Variants in PTPN4 observed in about 807,000 individuals in gnomAD.
PTPN4 encodes the protein protein tyrosine phosphatase non-receptor type 4.
Under a neutral mutation model 135.5 loss-of-function variants are expected in PTPN4, and 49 were observed. That is an observed-to-expected ratio of 0.36 (90% CI 0.29 to 0.46). The LOEUF (loss-of-function observed/expected upper bound fraction) is 0.46, where lower values mean the gene tolerates loss of function less well. PTPN4 is among the 20% of genes least tolerant of loss of function. PTPN4 has a pLI of 1.00. For missense variants in PTPN4, 860 were observed against 1,101.0 expected (o/e 0.78, Z 3.10); for synonymous variants, 333 against 369.9 (o/e 0.90, Z 1.14).
At chr2:119,872,260 C>T (rs1677923981) in intron 3 of PTPN4, among the ~76,000 whole-genome samples, 1 of 152,028 alleles carries the variant, frequency 6.6e-6, no homozygotes, top group Admixed American at 6.6e-5. Context: ...TCCAGAATTA[C>T]TTTATTTGGG....
chr2:119,787,636 T>C (rs1444158489), intron 1 of PTPN4, among the ~76,000 whole-genome samples: 1 of 152,198 alleles, frequency 6.6e-6, no homozygotes, highest in Non-Finnish European at 1.5e-5. Context: ...ATTAAATAAA[T>C]AAATGAATCT....
chr2:119,960,530 C>T (rs746376131), intron 22 of PTPN4, among the ~76,000 whole-genome samples: 8 of 152,198 alleles, frequency 5.3e-5, no homozygotes, highest in Non-Finnish European at 8.8e-5. Context: ...AATCTCAGCA[C>T]TTTGGGAGGC....
At chr2:119,958,323 C>A (rs1679317964) in intron 22 of PTPN4, among the ~76,000 whole-genome samples, 1 of 111,502 alleles carries the variant, frequency 9.0e-6, no homozygotes, top group African/African-American at 3.0e-5. Flanking sequence ...AGAACAAGAC[C>A]CGTCTAAAAA....
rs2105039450 is a variant in PTPN4, at chr2:119,934,740, A to G, written c.1197-60A>G. ...CTTTCTGATGTAACCATATATTAAG[A>G]AACTTGGAAATTTTGAATTGAAGCA... On this transcript the variant is annotated intron_variant, in intron 14 of 26. Coordinates refer to ENST00000263708, the MANE Select transcript of PTPN4 (RefSeq NM_002830.4). The G allele has an allele frequency of 1.9e-6, 3 of 1,538,572 alleles. No homozygotes were observed. The South Asian group carries it at 3.4e-5, about 18-fold the overall frequency.
intron 11 of PTPN4, among the ~76,000 whole-genome samples, chr2:119,917,375 G>A (rs1004960564): frequency 6.6e-5 from 10 of 152,156 alleles, no homozygotes; most frequent in African/African-American, 1.9e-4. Flanking sequence ...GGTGAGATAT[G>A]CCTTCCTCAG....
intron 1 of PTPN4, among the ~76,000 whole-genome samples, chr2:119,781,291 G>C (rs1290029025): frequency 6.6e-6 from 1 of 152,114 alleles, no homozygotes; most frequent in Non-Finnish European, 1.5e-5. Flanking sequence ...CAGTGTTATT[G>C]GAGTATTTTG....
At chr2:119,906,391 A>G (rs1371284391) in intron 10 of PTPN4, among the ~76,000 whole-genome samples, 1 of 152,178 alleles carries the variant, frequency 6.6e-6, no homozygotes, top group Non-Finnish European at 1.5e-5. Flanking sequence ...ATAGATGCAA[A>G]ATTCCTCAAC....
At chr2:119,765,156 G>A (rs1040926552) in intron 1 of PTPN4, among the ~76,000 whole-genome samples, 21 of 152,186 alleles carry the variant, frequency 1.4e-4, no homozygotes, top group Admixed American at 5.2e-4. Flanking sequence ...GGCATCTAGC[G>A]CTGTGCTTTA....
intron 13 of PTPN4, among the ~76,000 whole-genome samples, chr2:119,928,129 A>G (rs1045892238): frequency 6.6e-6 from 1 of 152,082 alleles, no homozygotes; most frequent in Non-Finnish European, 1.5e-5. Flanking sequence ...GTTTTAAACT[A>G]TTTGTTGTTT....
intron 1 of PTPN4, among the ~76,000 whole-genome samples, chr2:119,776,280 A>C (rs1432276129): frequency 6.6e-6 from 1 of 152,108 alleles, no homozygotes; most frequent in Non-Finnish European, 1.5e-5. Flanking sequence ...GGTTCACGCC[A>C]TTCTCCTGCC....
intron 1 of PTPN4, among the ~76,000 whole-genome samples, chr2:119,794,364 AC>A (rs1558727611): frequency 2.0e-5 from 3 of 152,138 alleles, no homozygotes; most frequent in African/African-American, 7.2e-5. Context: ...GGCTCCCGCT[AC>A]CAGCCTGGAT....
intron 1 of PTPN4, among the ~76,000 whole-genome samples, chr2:119,773,777 T>G (rs1690778946): frequency 6.6e-6 from 1 of 150,808 alleles, no homozygotes; most frequent in African/African-American, 2.4e-5. Flanking sequence ...TTAGATGTCA[T>G]GAATACATAA....
chr2:119,933,407 A>G (rs955999926), intron 14 of PTPN4, among the ~76,000 whole-genome samples: 4 of 152,140 alleles, frequency 2.6e-5, no homozygotes, highest in Admixed American at 1.3e-4. Context: ...GGCTGGGTGC[A>G]GTGGCTCATT....
chr2:119,829,202 T>G (rs1398888631), intron 2 of PTPN4, among the ~76,000 whole-genome samples: 6 of 152,196 alleles, frequency 3.9e-5, no homozygotes, highest in Non-Finnish European at 8.8e-5. Context: ...AGCTTTTTAC[T>G]TTGTGTGTTT....
intron 26 of PTPN4, among the ~76,000 whole-genome samples, chr2:119,976,677 G>A (rs1465697761): frequency 6.6e-6 from 1 of 152,132 alleles, no homozygotes; most frequent in Non-Finnish European, 1.5e-5. Context: ...TCTTAGAAGT[G>A]GGATTGCTGG....
intron 2 of PTPN4, among the ~76,000 whole-genome samples, chr2:119,849,375 C>T (rs1372621021): frequency 6.6e-6 from 1 of 152,110 alleles, no homozygotes; most frequent in Non-Finnish European, 1.5e-5. Context: ...GATCATGGTT[C>T]ACTGCAGCCT....
chr2:119,972,888 G>C (rs368261943), intron 26 of PTPN4, among the ~76,000 whole-genome samples: 2 of 152,068 alleles, frequency 1.3e-5, no homozygotes, highest in African/African-American at 4.8e-5. Flanking sequence ...TTGCATTCCT[G>C]AGATAAATCT....
At chr2:119,823,415 A>G (rs1677100206) in intron 2 of PTPN4, among the ~76,000 whole-genome samples, 2 of 151,962 alleles carry the variant, frequency 1.3e-5, no homozygotes, top group Admixed American at 6.6e-5. Context: ...TTGTATTTTT[A>G]GCAGAGATGG....
chr2:119,841,590 G>A (rs113902826), intron 2 of PTPN4, among the ~76,000 whole-genome samples: 2 of 152,274 alleles, frequency 1.3e-5, no homozygotes, highest in African/African-American at 4.8e-5. Flanking sequence ...AGTACTAATA[G>A]TATAGTTGCT....
Sources: gnomAD v4.1 joint callset for allele counts (sites outside exome capture counted in the v4.1 genomes callset) on GRCh38, gnomAD v4.1.1 for gene constraint, MANE v1.5 for transcripts, NCBI Gene and HGNC (gene_info 2026-07-23, HGNC 2026-07-21) for gene names.